Variants in NR6A1 observed in about 807,000 individuals in gnomAD.
The protein encoded by NR6A1 is nuclear receptor subfamily 6 group A member 1.
In NR6A1, 7 loss-of-function variants were observed where a neutral mutation model predicts 59.1. The ratio of observed to expected loss-of-function variants is 0.12; its 90% confidence interval spans 0.07 to 0.22. The LOEUF is 0.22. Ranked by LOEUF, NR6A1 falls within the 10% of genes least tolerant of loss-of-function variation. NR6A1 has a pLI of 1.00. For missense variants in NR6A1, 468 were observed against 611.6 expected (o/e 0.77, Z 2.48); for synonymous variants, 243 against 236.1 (o/e 1.03, Z -0.27).
At chr9:124,574,255 T>C (rs368586244) in intron 2 of NR6A1, among the ~76,000 whole-genome samples, 1 of 152,198 alleles carries the variant, frequency 6.6e-6, no homozygotes, top group East Asian at 1.9e-4. Flanking sequence ...TTTGTCATAT[T>C]AGAAATTATG....
intron 2 of NR6A1, among the ~76,000 whole-genome samples, chr9:124,632,856 C>T (rs528747371): frequency 6.6e-6 from 1 of 152,306 alleles, no homozygotes; most frequent in African/African-American, 2.4e-5. Flanking sequence ...GCTACATAAA[C>T]TTAGGTAAAC....
chr9:124,684,699 G>C (rs1169902606), intron 2 of NR6A1, among the ~76,000 whole-genome samples: 1 of 152,196 alleles, frequency 6.6e-6, no homozygotes, highest in South Asian at 2.1e-4. Context: ...TTAAAGAAAA[G>C]CGGTAAAGTG....
chr9:124,604,900 G>C (rs1835538332), intron 2 of NR6A1, among the ~76,000 whole-genome samples: 1 of 152,066 alleles, frequency 6.6e-6, no homozygotes, highest in African/African-American at 2.4e-5. Context: ...TTATACCACA[G>C]GGTAATAAAC....
intron 6 of NR6A1, among the ~76,000 whole-genome samples, chr9:124,536,901 C>T (rs901992646): frequency 1.3e-5 from 2 of 152,164 alleles, no homozygotes; most frequent in Non-Finnish European, 2.9e-5. Flanking sequence ...TCTGCTCTCA[C>T]TCCACCCCCT....
At chr9:124,738,894 C>T (rs1265078060) in intron 1 of NR6A1, among the ~76,000 whole-genome samples, 2 of 151,238 alleles carry the variant, frequency 1.3e-5, no homozygotes, top group South Asian at 2.1e-4. Context: ...CCTAGCTACT[C>T]GGGGGGCTGA....
intron 2 of NR6A1, among the ~76,000 whole-genome samples, chr9:124,645,054 G>A (rs1213725175): frequency 6.6e-6 from 1 of 152,134 alleles, no homozygotes; most frequent in Non-Finnish European, 1.5e-5. Flanking sequence ...CAAAATGAAT[G>A]ACAGCAAAAT....
chr9:124,637,227 T>C (rs1836635175), intron 2 of NR6A1, among the ~76,000 whole-genome samples: 1 of 152,172 alleles, frequency 6.6e-6, no homozygotes, highest in Non-Finnish European at 1.5e-5. Context: ...CATGGTAGCA[T>C]AAAAGCATGG....
chr9:124,683,029 G>A (rs1838217312), intron 2 of NR6A1, among the ~76,000 whole-genome samples: 1 of 151,922 alleles, frequency 6.6e-6, no homozygotes, highest in South Asian at 2.1e-4. Flanking sequence ...AACACAATGA[G>A]ACCCTATCTC....
chr9:124,663,599 G>A (rs1231457181), intron 2 of NR6A1, among the ~76,000 whole-genome samples: 1 of 152,088 alleles, frequency 6.6e-6, no homozygotes, highest in Non-Finnish European at 1.5e-5. Context: ...AAACACTCTG[G>A]AAATGCCAAT....
intron 4 of NR6A1, 95 bp downstream of exon 4, chr9:124,543,707 A>G: frequency 2.2e-6 from 2 of 894,912 alleles, no homozygotes; most frequent in Non-Finnish European, 1.7e-6. Flanking sequence ...GGCTCTCCTC[A>G]GCAGCAGATG....
chr9:124,744,729 T>C (rs537007895), intron 1 of NR6A1, among the ~76,000 whole-genome samples: 17 of 152,344 alleles, frequency 1.1e-4, no homozygotes, highest in Admixed American at 7.2e-4. Context: ...TATTTGTTCA[T>C]TGTCATTGTG....
chr9:124,710,417 A>G (rs1202538908), intron 2 of NR6A1, among the ~76,000 whole-genome samples: 1 of 152,162 alleles, frequency 6.6e-6, no homozygotes, highest in Non-Finnish European at 1.5e-5. Context: ...ACATACACAC[A>G]CAATGTTGAG....
intron 1 of NR6A1, among the ~76,000 whole-genome samples, chr9:124,743,618 A>T (rs1171690479): frequency 6.6e-6 from 1 of 152,216 alleles, no homozygotes; most frequent in Non-Finnish European, 1.5e-5. Context: ...CTTTGCAATT[A>T]CAGCCTTGAA....
chr9:124,703,968 T>G (rs1839044302), intron 2 of NR6A1, among the ~76,000 whole-genome samples: 1 of 152,180 alleles, frequency 6.6e-6, no homozygotes, highest in Non-Finnish European at 1.5e-5. Flanking sequence ...CCAGCATGCT[T>G]CTTTTAAGTG....
rs193014571 is a variant in NR6A1, at chr9:124,588,139, T to C, written c.143-33569A>G. 2.0e-4 allele frequency among the ~76,000 whole-genome samples: 31 copies of C among 152,290 alleles called. No homozygotes were observed. The East Asian group carries it at 6.0e-3, about 29-fold the overall frequency. On this transcript the variant is annotated intron_variant, in intron 2 of 9. Coordinates refer to ENST00000487099, the MANE Select transcript of NR6A1 (RefSeq NM_033334.4). ...TCGAGTCTAAGTTCTTGTCAGCATA[T>C]GATATATGATGGACTTTCCATACTA...
chr9:124,586,954 T>A (rs1305969026), intron 2 of NR6A1, among the ~76,000 whole-genome samples: 2 of 152,222 alleles, frequency 1.3e-5, no homozygotes, highest in Non-Finnish European at 2.9e-5. Flanking sequence ...GTGAATAAAA[T>A]GCTATTAAAC....
chr9:124,581,092 C>T (rs1002644827), intron 2 of NR6A1, among the ~76,000 whole-genome samples: 1 of 151,970 alleles, frequency 6.6e-6, no homozygotes, highest in African/African-American at 2.4e-5. Flanking sequence ...CTTCCTTATA[C>T]CATATACAAA....
intron 2 of NR6A1, among the ~76,000 whole-genome samples, chr9:124,710,814 T>C (rs918672512): frequency 1.3e-5 from 2 of 152,212 alleles, no homozygotes; most frequent in Non-Finnish European, 2.9e-5. Flanking sequence ...CTGGAAATCT[T>C]ACAGTTCTCA....
chr9:124,658,676 T>C (rs1429613461), intron 2 of NR6A1: 2 of 152,188 alleles, frequency 1.3e-5, no homozygotes, highest in South Asian at 4.1e-4. Flanking sequence ...CCATCCCCTT[T>C]TGACAAAGAT....
Sources: allele counts gnomAD v4.1 joint callset (sites outside exome capture counted in the v4.1 genomes callset), GRCh38; gene constraint gnomAD v4.1.1; transcripts MANE v1.5; gene names NCBI Gene and HGNC (gene_info 2026-07-23, HGNC 2026-07-21).